SMARCC1: variants seen among roughly 807,000 people sequenced by gnomAD.
SMARCC1 encodes SWI/SNF related BAF chromatin remodeling complex subunit C1, also known as SWI/SNF complex subunit SMARCC1.
A neutral mutation model predicts 147.4 loss-of-function variants in SMARCC1; 43 were observed. That is an observed-to-expected ratio of 0.29 (90% CI 0.23 to 0.38). The LOEUF (loss-of-function observed/expected upper bound fraction) is 0.38, where lower values mean the gene tolerates loss of function less well. Among genes scored for constraint, SMARCC1 ranks in the 10% least tolerant of loss-of-function variants. SMARCC1 has a pLI of 1.00. For missense variants in SMARCC1, 1,119 were observed against 1,381.1 expected, an observed-to-expected ratio of 0.81 and a Z score of 3.01; for synonymous variants, 495 against 484.4, an observed-to-expected ratio of 1.02 and a Z score of -0.29.
intron 6 of SMARCC1, among the ~76,000 whole-genome samples, chr3:47,726,635 G>C (rs931884103): frequency 1.3e-5 from 2 of 152,202 alleles, no homozygotes; most frequent in African/African-American, 4.8e-5. Flanking sequence ...CTCCCTGATG[G>C]AGCATTAGCC....
intron 21 of SMARCC1, among the ~76,000 whole-genome samples, chr3:47,643,257 G>A (rs542725629): frequency 2.7e-4 from 41 of 152,266 alleles, no homozygotes; most frequent in African/African-American, 9.6e-4. Flanking sequence ...TTATCTTGGC[G>A]TGTCGGCTGG....
At chr3:47,768,032 C>T (rs1040009527) in intron 2 of SMARCC1, among the ~76,000 whole-genome samples, 8 of 151,994 alleles carry the variant, frequency 5.3e-5, no homozygotes, top group African/African-American at 7.2e-5. Context: ...TTTGTAGAGA[C>T]GGGGCCTATG....
intron 21 of SMARCC1, among the ~76,000 whole-genome samples, chr3:47,645,722 A>G (rs147006135): frequency 3.6e-3 from 544 of 152,368 alleles, no homozygotes; most frequent in Non-Finnish European, 5.5e-3. Context: ...TTTGTCTCGC[A>G]AAGATATCTG....
At chr3:47,673,877 T>C (rs573641233) in intron 18 of SMARCC1, among the ~76,000 whole-genome samples, 19 of 152,224 alleles carry the variant, frequency 1.2e-4, no homozygotes, top group Non-Finnish European at 2.8e-4. Flanking sequence ...GTCTGACTTC[T>C]GTAACCATAG....
At chr3:47,655,440 T>C (rs911883074) in intron 21 of SMARCC1, among the ~76,000 whole-genome samples, 2 of 151,408 alleles carry the variant, frequency 1.3e-5, no homozygotes, top group African/African-American at 4.9e-5. Context: ...CCCACGTCCA[T>C]AATCCCAGCA....
intron 8 of SMARCC1, among the ~76,000 whole-genome samples, chr3:47,712,397 T>C (rs2034096040): frequency 1.3e-5 from 2 of 152,108 alleles, no homozygotes; most frequent in African/African-American, 2.4e-5. Context: ...GTGAGAAACA[T>C]GTGTATACAT....
At position 47,595,108 on chromosome 3, in the gene SMARCC1, T is replaced by C. The variant is rs537000281; in HGVS notation, c.3044-4271A>G. Among the ~76,000 whole-genome samples, 16 of 152,348 alleles carry C rather than the reference T, an allele frequency of 1.1e-4. No individual in the cohort carries two copies. The South Asian group carries it at 3.3e-3, about 32-fold the overall frequency. On this transcript the variant is annotated intron_variant, in intron 26 of 27. Coordinates refer to ENST00000254480, the MANE Select transcript of SMARCC1 (RefSeq NM_003074.4). Reference sequence around the variant, plus strand: ...AGCCACAGGCTGTTCCTCTCAGTGCTGGGTGGTGCTCCCTGCTGTGGATGG... The same window carrying C: ...AGCCACAGGCTGTTCCTCTCAGTGCCGGGTGGTGCTCCCTGCTGTGGATGG...
intron 1 of SMARCC1, among the ~76,000 whole-genome samples, chr3:47,775,363 T>C (rs910306478): frequency 2.7e-5 from 4 of 150,028 alleles, no homozygotes; most frequent in African/African-American, 7.3e-5. Flanking sequence ...GGTTTCACCA[T>C]GTTAGTCAGG....
rs2034572984 is a variant in SMARCC1, at chr3:47,747,148, T to C, written c.316-1155A>G. On this transcript the variant is annotated intron_variant, in intron 2 of 27. Coordinates refer to ENST00000254480, the MANE Select transcript of SMARCC1 (RefSeq NM_003074.4). ...CTACCTCTACAAAAAATTTAAAAAT[T>C]AGGCCAGGTGCAGGAGTGGCTCACA... Among the ~76,000 whole-genome samples the C allele has an allele frequency of 3.3e-5, 5 of 151,694 alleles. No individual in the cohort carries two copies. In the South Asian group the frequency reaches 1.0e-3, roughly 31 times the overall value.
intron 3 of SMARCC1, among the ~76,000 whole-genome samples, chr3:47,742,287 C>T (rs1301339199): frequency 1.3e-5 from 2 of 150,640 alleles, no homozygotes; most frequent in Admixed American, 6.6e-5. Context: ...AAAAAAAAAA[C>T]ATGTAACAAT....
chr3:47,745,200 T>C (rs1356560631), intron 3 of SMARCC1, among the ~76,000 whole-genome samples: 2 of 151,990 alleles, frequency 1.3e-5, no homozygotes, highest in East Asian at 3.9e-4. Context: ...AAGGTTGCAG[T>C]GAGCTGAGAT....
At chr3:47,706,327 C>T in intron 10 of SMARCC1, 82 bp downstream of exon 10, 1 of 1,332,018 alleles carries the variant, frequency 7.5e-7, no homozygotes, top group Non-Finnish European at 9.8e-7. Flanking sequence ...CCACCTCAGC[C>T]TCCAAAAGTG....
chr3:47,704,402 C>A (rs2033964901), intron 10 of SMARCC1, among the ~76,000 whole-genome samples: 1 of 152,000 alleles, frequency 6.6e-6, no homozygotes, highest in African/African-American at 2.4e-5. Context: ...TACATGCATA[C>A]ATATATTTTA....
At position 47,734,048 on chromosome 3, in the gene SMARCC1, T is replaced by C. The variant is rs946608051; in HGVS notation, c.576+1986A>G. Among the ~76,000 whole-genome samples the C allele has an allele frequency of 2.0e-5, 3 of 151,962 alleles. No individual in the cohort carries two copies. The East Asian group carries it at 5.8e-4, about 29-fold the overall frequency. On this transcript the variant is annotated intron_variant, in intron 5 of 27. Transcript: ENST00000254480. Reference sequence around the variant, plus strand: ...ATGTATATACAGACATACACACACGTATGTAACAGCTAAATATTCAGCATA... The same window carrying C: ...ATGTATATACAGACATACACACACGCATGTAACAGCTAAATATTCAGCATA...
intron 21 of SMARCC1, among the ~76,000 whole-genome samples, chr3:47,651,295 C>A (rs539055256): frequency 1.1e-3 from 175 of 152,292 alleles, no homozygotes; most frequent in African/African-American, 4.0e-3. Context: ...CAGAGTGAAA[C>A]CCTGTCTCAA....
chr3:47,605,130 T>C (rs2032449954), intron 26 of SMARCC1, among the ~76,000 whole-genome samples: 1 of 152,250 alleles, frequency 6.6e-6, no homozygotes, highest in Admixed American at 6.5e-5. Flanking sequence ...CACATACTGC[T>C]AGAGTGTAAA....
chr3:47,713,038 C>T (rs2034108717), intron 8 of SMARCC1, among the ~76,000 whole-genome samples: 2 of 152,026 alleles, frequency 1.3e-5, no homozygotes, highest in Non-Finnish European at 2.9e-5. Flanking sequence ...ACAGAAAAAT[C>T]TGGGCCAGGC....
At chr3:47,698,387 A>G (rs2033879824) in intron 11 of SMARCC1, among the ~76,000 whole-genome samples, 2 of 152,164 alleles carry the variant, frequency 1.3e-5, no homozygotes, top group African/African-American at 4.8e-5. Flanking sequence ...AGACAGAGAA[A>G]AAAGCAAAAA....
chr3:47,676,185 ATTTG>A (rs2033570556), intron 17 of SMARCC1, among the ~76,000 whole-genome samples: 1 of 152,150 alleles, frequency 6.6e-6, no homozygotes, highest in South Asian at 2.1e-4. Context: ...GCTATATATA[ATTTG>A]TTTGACATAA....
Sources: gnomAD v4.1 joint callset for allele counts (sites outside exome capture counted in the v4.1 genomes callset) on GRCh38, gnomAD v4.1.1 for gene constraint, MANE v1.5 for transcripts, NCBI Gene and HGNC (gene_info 2026-07-23, HGNC 2026-07-21) for gene names.